The following USP49 variants were observed in gnomAD, a reference collection of about 807,000 sequenced individuals.
USP49 encodes ubiquitin specific peptidase 49.
Under a neutral mutation model 58.6 loss-of-function variants are expected in USP49, and 24 were observed. The observed-to-expected ratio is 0.41, with a 90% CI of 0.30 to 0.58. USP49 has a LOEUF of 0.58. Among genes scored for constraint, USP49 ranks in the 20% least tolerant of loss-of-function variants. The pLI is 0.30. For missense variants in USP49, 703 were observed against 866.1 expected (o/e 0.81, Z 2.36); for synonymous variants, 408 against 365.1 (o/e 1.12, Z -1.34).
At chr6:41,831,528 C>T (rs1773634482) in intron 3 of USP49, among the ~76,000 whole-genome samples, 2 of 149,298 alleles carry the variant, frequency 1.3e-5, no homozygotes, top group African/African-American at 2.5e-5. Flanking sequence ...TGCAGTGAGC[C>T]GAGACCGTAA....
chr6:41,864,518 G>A (rs1382712970), intron 3 of USP49, among the ~76,000 whole-genome samples: 3 of 152,160 alleles, frequency 2.0e-5, no homozygotes, highest in East Asian at 1.9e-4. Flanking sequence ...AGCTGAGATC[G>A]CGCCACTACA....
intron 3 of USP49, among the ~76,000 whole-genome samples, chr6:41,819,093 C>T (rs1484189013): frequency 2.0e-5 from 3 of 151,844 alleles, no homozygotes; most frequent in African/African-American, 4.8e-5. Flanking sequence ...AACAGGAAAT[C>T]AGGTGGGGAG....
At chr6:41,863,867 C>T (rs1774265063) in intron 3 of USP49, among the ~76,000 whole-genome samples, 1 of 152,166 alleles carries the variant, frequency 6.6e-6, no homozygotes, top group African/African-American at 2.4e-5. Flanking sequence ...AGGTGATCAC[C>T]CCACCTCAGC....
intron 6 of USP49, 148 bp from the exon 7 acceptor site, chr6:41,799,077 C>CATTTATTT (rs1376476504): frequency 1.1e-4 from 67 of 621,848 alleles, no homozygotes; most frequent in Admixed American, 7.8e-4. Context: ...TCAATGTTCA[C>CATTTATTT]ACTTATTTAT....
intron 3 of USP49, among the ~76,000 whole-genome samples, chr6:41,851,656 A>G (rs139560666): frequency 3.1e-4 from 47 of 152,326 alleles, no homozygotes; most frequent in African/African-American, 1.1e-3. Context: ...AAATTGGAAA[A>G]GAAGTAAATT....
chr6:41,797,944 T>A (rs1334920743), intron 7 of USP49: 1 of 505,628 alleles, frequency 2.0e-6, no homozygotes, highest in African/African-American at 2.1e-5. Flanking sequence ...CATAGCTCAT[T>A]GCAACTTCAA....
chr6:41,810,009 G>GGC (rs1172398321), intron 3 of USP49, among the ~76,000 whole-genome samples: 2 of 149,680 alleles, frequency 1.3e-5, no homozygotes, highest in African/African-American at 2.5e-5. Flanking sequence ...AAAATTAGCC[G>GGC]GGCGCGGTGG....
intron 2 of USP49, among the ~76,000 whole-genome samples, chr6:41,886,937 T>C (rs1029774989): frequency 1.3e-5 from 2 of 152,184 alleles, no homozygotes; most frequent in African/African-American, 4.8e-5. Context: ...TATCTACTCT[T>C]CCTTTCATTT....
At chr6:41,843,030 T>C (rs1412674670) in intron 3 of USP49, among the ~76,000 whole-genome samples, 2 of 152,152 alleles carry the variant, frequency 1.3e-5, no homozygotes, top group Non-Finnish European at 2.9e-5. Context: ...TCTGCCTCTG[T>C]CTCAACCAGC....
intron 3 of USP49, among the ~76,000 whole-genome samples, chr6:41,854,652 G>T (rs925419005): frequency 1.3e-5 from 2 of 152,112 alleles, no homozygotes; most frequent in African/African-American, 4.8e-5. Flanking sequence ...GTTAGTTTAG[G>T]TTGGTGTATA....
At chr6:41,808,470 C>T (rs1426546495) in intron 3 of USP49, among the ~76,000 whole-genome samples, 1 of 141,108 alleles carries the variant, frequency 7.1e-6, no homozygotes, top group African/African-American at 2.7e-5. Context: ...AGTACAGTGG[C>T]GTGGTCTCAG....
At position 41,793,992 on chromosome 6, in the gene USP49, C is replaced by G. The variant is rs1772844216; in HGVS notation, c.*2541G>C. ...TTATTTTCTTCTCTTTAGAATGATT[C>G]AATTTCAGATGCAACTGAGACATTC... On this transcript the variant is annotated 3_prime_UTR_variant, in exon 8 of 8. Transcript: ENST00000682992. 1 of 152,186 alleles carries G rather than the reference C, an allele frequency of 6.6e-6. No individual in the cohort carries two copies. The highest frequency in any genetic ancestry group is 2.4e-5 in the African/African-American group (1 of 41,434). The allele number at this position is 152,186 out of a possible 1,614,324, so 9.4% of individuals were successfully genotyped here.
chr6:41,857,124 T>C (rs1774144716), intron 3 of USP49, among the ~76,000 whole-genome samples: 1 of 152,170 alleles, frequency 6.6e-6, no homozygotes, highest in Non-Finnish European at 1.5e-5. Context: ...GTGGCTGCCA[T>C]CTTCAACTAC....
At chr6:41,861,109 C>T (rs150059084) in intron 3 of USP49, among the ~76,000 whole-genome samples, 102 of 151,694 alleles carry the variant, frequency 6.7e-4, no homozygotes, top group African/African-American at 2.4e-3. Flanking sequence ...GGCTGGGCAA[C>T]ACTGAGTGAT....
intron 3 of USP49, among the ~76,000 whole-genome samples, chr6:41,835,793 G>C (rs1395317355): frequency 6.6e-6 from 1 of 151,998 alleles, no homozygotes; most frequent in Non-Finnish European, 1.5e-5. Flanking sequence ...ATATAAATTG[G>C]CTGGGCACAG....
At chr6:41,851,264 C>T (rs187465368) in intron 3 of USP49, among the ~76,000 whole-genome samples, 1 of 152,220 alleles carries the variant, frequency 6.6e-6, no homozygotes, top group Non-Finnish European at 1.5e-5. Context: ...AATTCAGTAG[C>T]ATGTTAAAAG....
At chr6:41,883,788 T>TA (rs1233979976) in intron 2 of USP49, among the ~76,000 whole-genome samples, 3 of 152,080 alleles carry the variant, frequency 2.0e-5, no homozygotes, top group Non-Finnish European at 4.4e-5. Flanking sequence ...TCATAGTACT[T>TA]ATGCCGCAAT....
chr6:41,831,375 G>C lies in USP49; in HGVS notation c.-28-24364C>G, dbSNP rs181230674. Among the ~76,000 whole-genome samples, 375 of 150,774 alleles carry C rather than the reference G, an allele frequency of 2.5e-3. 3 individuals are homozygous for C. The highest frequency in any genetic ancestry group is 8.7e-3 in the African/African-American group (355 of 40,896). ...GCTGCACTCCAGCCTGGGCAACAGA[G>C]CGAGACTCCATCTCAAAACAGAAAT... is the stretch of plus-strand genomic sequence containing the variant. On this transcript the variant is annotated intron_variant, in intron 3 of 7. Transcript: ENST00000682992.
intron 2 of USP49, among the ~76,000 whole-genome samples, chr6:41,885,243 A>G (rs1381703250): frequency 6.6e-6 from 1 of 152,172 alleles, no homozygotes; most frequent in Non-Finnish European, 1.5e-5. Context: ...GCTAACAAAA[A>G]CTGATTAACG....
Sources: allele counts gnomAD v4.1 joint callset (sites outside exome capture counted in the v4.1 genomes callset), GRCh38; gene constraint gnomAD v4.1.1; transcripts MANE v1.5; gene names NCBI Gene and HGNC (gene_info 2026-07-23, HGNC 2026-07-21).